MDN1: variants seen among roughly 807,000 people sequenced by gnomAD.
MDN1 encodes midasin.
Under a neutral mutation model 669.2 loss-of-function variants are expected in MDN1, and 266 were observed. That is an observed-to-expected ratio of 0.40 (90% confidence interval 0.36 to 0.44). The LOEUF (loss-of-function observed/expected upper bound fraction) is 0.44, where lower values mean the gene tolerates loss of function less well. MDN1 is among the 20% of genes least tolerant of loss of function. The probability of loss-of-function intolerance (pLI) is 1.00; values close to 1 mark genes in which losing one functional copy is unlikely to be tolerated. For missense variants in MDN1, 5,940 were observed against 6,754.0 expected, an observed-to-expected ratio of 0.88 and a Z score of 4.22; for synonymous variants, 2,385 against 2,457.1, an observed-to-expected ratio of 0.97 and a Z score of 0.87.
At chr6:89,753,947 A>G (rs1817094397) in intron 21 of MDN1, 136 bp downstream of exon 21, 1 of 742,004 alleles carries the variant, frequency 1.3e-6, no homozygotes, top group Non-Finnish European at 2.0e-6. Flanking sequence ...AGGGCAAGGT[A>G]AATCTGGTAA....
At chr6:89,805,334 G>A (rs1467858658) in intron 1 of MDN1, among the ~76,000 whole-genome samples, 5 of 152,092 alleles carry the variant, frequency 3.3e-5, no homozygotes, top group Non-Finnish European at 5.9e-5. Flanking sequence ...TTAAGCCGAC[G>A]AGTTCAAGAC....
In MDN1 at chr6:89,730,918, T is replaced by A. The variant is rs748581938; in HGVS notation, c.4948A>T (p.Thr1650Ser). 6.8e-6 allele frequency: 11 copies of A among 1,613,692 alleles called. No homozygotes were observed. The highest frequency in any genetic ancestry group is 6.8e-6 in the Non-Finnish European group (8 of 1,179,814). Residue 1650 changes from threonine (T) to serine (S), a missense_variant, in exon 35 of 102, where the codon ACT (threonine) becomes TCT (serine). Coordinates refer to ENST00000369393, the MANE Select transcript of MDN1 (RefSeq NM_014611.3). Reference protein sequence around the residue: ...VYIDGIGSGVTSSGFGTALLA... With the variant: ...VYIDGIGSGVSSSGFGTALLA... ...AGGGCTGTACCAAACCCAGAGGAAG[T>A]TACCCCTAAAAGACAGAGGATCAGT...
intron 5 of MDN1, among the ~76,000 whole-genome samples, chr6:89,790,790 G>A (rs1819226886): frequency 6.6e-6 from 1 of 152,222 alleles, no homozygotes; most frequent in Admixed American, 6.5e-5. Context: ...TGAAGCCAAG[G>A]CAGGTGGATC....
In MDN1 at chr6:89,745,279, T is replaced by C; in HGVS notation, c.4172A>G (p.Asp1391Gly). ...CACTGTCACAGATCTTTACCCAGTG[T>C]CTCCAACCAGCAGCACAGGTTCACC... ...EFGEPVLLVG[D>G]TGCGKTTICQ... The change falls in exon 29 of 102, where the codon GAC becomes GGC. Residue 1391 changes from aspartate to glycine, a missense_variant. Asp to Gly is a moderately conservative substitution (Grantham distance 94, BLOSUM62 -1). This residue lies in a region of MDN1 where 2,292 missense variants were observed against 2,638.3 expected (regional missense o/e 0.87). Coordinates refer to ENST00000369393, the MANE Select transcript of MDN1 (RefSeq NM_014611.3). The C allele has an allele frequency of 1.2e-6, 2 of 1,613,728 alleles. No individual in the cohort carries two copies. Among genetic ancestry groups the C allele is most frequent in the Non-Finnish European group, 1.7e-6 (2 of 1,179,830 alleles).
Position 89,747,325 on chromosome 6 carries a change from A to G in MDN1, c.3904+4T>C, listed in dbSNP as rs143038373. ...ATATTGAGAGCATTTGATTGAAAAC[A>G]CACCATCATTGGCTAAATGCTGTAG... On this transcript the variant is annotated splice_donor_region_variant and intron_variant, in intron 27 of 101. Transcript: ENST00000369393. 176 of 1,608,822 alleles carry G rather than the reference A, an allele frequency of 1.1e-4. No individual in the cohort carries two copies. In the East Asian group the frequency reaches 1.7e-3, roughly 15 times the overall value.
chr6:89,714,503 G>A (rs1177735523), intron 46 of MDN1, 40 bp downstream of exon 46: 1 of 1,488,458 alleles, frequency 6.7e-7, no homozygotes, highest in Non-Finnish European at 9.1e-7. Flanking sequence ...ATTTCTTGAA[G>A]ACTAAAACTC....
At chr6:89,758,099 G>A (rs549131930) in intron 19 of MDN1, among the ~76,000 whole-genome samples, 156 bp downstream of exon 19, 2 of 151,916 alleles carry the variant, frequency 1.3e-5, no homozygotes, top group South Asian at 2.1e-4. Flanking sequence ...CCATAATCCC[G>A]GCTATTCAGG....
In MDN1 at chr6:89,772,592, T is replaced by A; in HGVS notation, c.2064A>T (p.Gln688His). The A allele has an allele frequency of 1.2e-6, 2 of 1,614,110 alleles. No individual in the cohort carries two copies. Among genetic ancestry groups the A allele is most frequent in the South Asian group, 1.1e-5 (1 of 91,076 alleles). Residue 688 changes from glutamine (Q) to histidine (H), a missense_variant, in exon 14 of 102, where the codon CAA becomes CAT. This residue lies in a region of MDN1 where 1,203 missense variants were observed against 1,268.9 expected (regional missense o/e 0.95). Transcript: ENST00000369393. ...GATTACCTGTAATGTGAGCCAAGTA[T>A]TGGATGGTAGAGGTTTTGCCAGTCC... ...ETGTGKTSTIQYLAHITGHRL... is the reference protein window; with the variant it reads ...ETGTGKTSTIHYLAHITGHRL...
chr6:89,670,162 ATATATATATTTTT>A (rs1468988776), intron 83 of MDN1, among the ~76,000 whole-genome samples: 2 of 22,294 alleles, frequency 9.0e-5, no homozygotes, highest in South Asian at 2.2e-3. Flanking sequence ...ATATATATAT[ATATATATATTTTT>A]TTTTTTTTTT....
intron 26 of MDN1, among the ~76,000 whole-genome samples, chr6:89,748,697 T>C (rs1693227905): frequency 6.6e-6 from 1 of 151,478 alleles, no homozygotes; most frequent in South Asian, 2.1e-4. Flanking sequence ...AAAATTTTAA[T>C]GATGTAAAAT....
At chr6:89,764,325 C>A (rs1261134744) in intron 15 of MDN1, among the ~76,000 whole-genome samples, 1 of 152,162 alleles carries the variant, frequency 6.6e-6, no homozygotes, top group Non-Finnish European at 1.5e-5. Flanking sequence ...TGACAATAGG[C>A]CAGGTGCGGT....
At position 89,676,091 on chromosome 6, in the gene MDN1, T is replaced by C. The variant is rs1218910069; in HGVS notation, c.12645+11A>G. On this transcript the variant is annotated intron_variant, in intron 77 of 101. Transcript: ENST00000369393. Reference sequence around the variant, plus strand: ...CTGAGCCCCTGCAAGACTCATGTTCTATCATTCTACCTTGGCAGGAGTTGC... The same window carrying C: ...CTGAGCCCCTGCAAGACTCATGTTCCATCATTCTACCTTGGCAGGAGTTGC... 1 of 1,612,526 alleles carries C rather than the reference T, an allele frequency of 6.2e-7. No homozygotes were observed. Among genetic ancestry groups the C allele is most frequent in the Admixed American group, 1.7e-5 (1 of 60,024 alleles).
chr6:89,753,596 CTG>C lies in MDN1; in HGVS notation c.2989_2990del (p.Gln997AlafsTer2). The C allele has an allele frequency of 6.2e-7, 1 of 1,613,740 alleles. No homozygotes were observed. The highest frequency in any genetic ancestry group is 8.5e-7 in the Non-Finnish European group (1 of 1,179,676). On this transcript the variant is annotated frameshift_variant, in exon 22 of 102. Coordinates refer to ENST00000369393, the MANE Select transcript of MDN1 (RefSeq NM_014611.3). LOFTEE classifies it high-confidence loss of function. ...CTATTGGGTGTGATGCCCTGTCAAG[CTG>C]TGTTAAGAAACCCAAACAAAAACCC... ...YEGFCLGFLT[Q>X]LDRASHPIVQ...
In MDN1 at chr6:89,789,895, T is replaced by G; in HGVS notation, c.1115A>C (p.Tyr372Ser). The change falls in exon 7 of 102, where the codon TAT becomes TCT. Residue 372 changes from tyrosine (Y) to serine (S), a missense_variant. Around this residue, in one of 5 missense-constraint regions of MDN1, gnomAD observed 1,203 missense variants for 1,268.9 expected, o/e 0.95. Coordinates refer to ENST00000369393, the MANE Select transcript of MDN1 (RefSeq NM_014611.3). ...QTDSKMLLGM[Y>S]RCTDVPGEFV... is the part of the protein sequence containing the mutation. ...CTCTCCAGGAACATCTGTGCAGCGA[T>G]ACATCCCCAAAAGCATCTGCAGAAA... 1 of 1,611,220 alleles carries G rather than the reference T, an allele frequency of 6.2e-7. No individual in the cohort carries two copies.
chr6:89,751,823 C>T (rs751737201), intron 22 of MDN1, among the ~76,000 whole-genome samples: 4 of 152,072 alleles, frequency 2.6e-5, no homozygotes, highest in Non-Finnish European at 5.9e-5. Context: ...AAAACAAATT[C>T]CCAGAAGGTT....
chr6:89,750,604 A>T, intron 23 of MDN1, 72 bp from the exon 24 acceptor site: 1 of 1,410,080 alleles, frequency 7.1e-7, no homozygotes. Context: ...AGAACTGAGT[A>T]TTGGTTTGTT....
intron 38 of MDN1, among the ~76,000 whole-genome samples, chr6:89,724,150 GA>G (rs942886762): frequency 5.6e-5 from 8 of 142,506 alleles, no homozygotes; most frequent in East Asian, 2.1e-4. Flanking sequence ...CTCAAAAAAA[GA>G]AAAAAAAAAG....
chr6:89,703,373 G>A lies in MDN1; in HGVS notation c.8149-1312C>T, dbSNP rs552516048. 2.0e-4 allele frequency among the ~76,000 whole-genome samples: 29 copies of A among 147,856 alleles called. 1 individual carries two copies. The South Asian group carries it at 6.3e-3, about 32-fold the overall frequency. ...ATAACTGACCATGTATGGGGAAGGG[G>A]GGGGGGTCTATCTGTGAATCCTCTG... On this transcript the variant is annotated intron_variant, in intron 53 of 101. Transcript: ENST00000369393.
intron 23 of MDN1, among the ~76,000 whole-genome samples, chr6:89,751,157 C>G (rs1239873848): frequency 6.6e-6 from 1 of 152,140 alleles, no homozygotes; most frequent in Non-Finnish European, 1.5e-5. Context: ...TAGCCATTTA[C>G]TGAATAATCT....
Sources: allele counts gnomAD v4.1 joint callset (sites outside exome capture counted in the v4.1 genomes callset), GRCh38; gene constraint gnomAD v4.1.1; regional missense constraint gnomAD v4.1.1; transcripts MANE v1.5; gene names NCBI Gene and HGNC (gene_info 2026-07-23, HGNC 2026-07-21).